Variants in TRIO observed in about 807,000 individuals in gnomAD.
The protein encoded by TRIO is triple functional domain protein.
Under a neutral mutation model 351.9 loss-of-function variants are expected in TRIO, and 58 were observed. That is an observed-to-expected ratio of 0.16 (90% CI 0.13 to 0.21). The LOEUF is 0.21. TRIO is among the 10% of genes least tolerant of loss of function. The pLI is 1.00. For missense variants in TRIO, 3,201 were observed against 4,027.8 expected, an observed-to-expected ratio of 0.79 and a Z score of 5.56; for synonymous variants, 1,758 against 1,595.7, an observed-to-expected ratio of 1.10 and a Z score of -2.42.
rs140816063 is a variant in TRIO, at chr5:14,173,748, G to T, written c.157+29866G>T. 7.2e-5 allele frequency among the ~76,000 whole-genome samples: 11 copies of T among 152,300 alleles called. No individual in the cohort carries two copies. In the East Asian group the frequency reaches 2.1e-3, roughly 29 times the overall value. ...GACTTCACCCACTTAGGCTGATAAT[G>T]TAATTTTGGTTTTCTATGTTTGCTT... is the stretch of plus-strand genomic sequence containing the variant. On this transcript the variant is annotated intron_variant, in intron 1 of 56. Transcript: ENST00000344204.
At chr5:14,432,519 A>G (rs981345070) in intron 34 of TRIO, among the ~76,000 whole-genome samples, 8 of 152,220 alleles carry the variant, frequency 5.3e-5, no homozygotes, top group African/African-American at 1.9e-4. Flanking sequence ...TCTCTATGAA[A>G]AAGATCAAGT....
At chr5:14,207,193 G>A (rs1791508282) in intron 1 of TRIO, among the ~76,000 whole-genome samples, 1 of 151,654 alleles carries the variant, frequency 6.6e-6, no homozygotes, top group Non-Finnish European at 1.5e-5. Flanking sequence ...ACTTTGAGAG[G>A]CTGAGGTGGG....
At chr5:14,219,236 AAT>A (rs899070532) in intron 1 of TRIO, among the ~76,000 whole-genome samples, 8 of 38,464 alleles carry the variant, frequency 2.1e-4, no homozygotes, top group Non-Finnish European at 3.3e-4. Flanking sequence ...CTTTTTCTAT[AAT>A]TTTTTTTTTT....
intron 34 of TRIO, among the ~76,000 whole-genome samples, chr5:14,425,749 C>T (rs553871086): frequency 5.4e-4 from 82 of 152,258 alleles, no homozygotes; most frequent in Middle Eastern, 3.4e-3. Flanking sequence ...CAAAAGAGGC[C>T]CAGGGAGCCC....
chr5:14,322,471 A>G (rs1739974616), intron 9 of TRIO, among the ~76,000 whole-genome samples: 1 of 152,214 alleles, frequency 6.6e-6, no homozygotes, highest in African/African-American at 2.4e-5. Flanking sequence ...TTCCATCTGG[A>G]GGAGGGAAGT....
chr5:14,479,112 A>G (rs1490915209), intron 41 of TRIO, 149 bp from the exon 42 acceptor site: 1 of 679,986 alleles, frequency 1.5e-6, no homozygotes, highest in Non-Finnish European at 2.6e-6. Context: ...CTACATCCTG[A>G]ATCTGGAATT....
rs1239682359 is a variant in TRIO at position 14,470,124 on chromosome 5, T to G, written c.5764-1194T>G. 2.6e-5 allele frequency among the ~76,000 whole-genome samples: 4 copies of G among 152,250 alleles called. No individual in the cohort carries two copies. The South Asian group carries it at 6.2e-4, about 24-fold the overall frequency. ...TATTTTTCAGATCAAACTCTGTTCCTTAACTAACTTAATGTCCTGTTTTTC... is the reference window on the plus strand; with the variant it reads ...TATTTTTCAGATCAAACTCTGTTCCGTAACTAACTTAATGTCCTGTTTTTC... On this transcript the variant is annotated intron_variant, in intron 37 of 56. Coordinates refer to ENST00000344204, the MANE Select transcript of TRIO (RefSeq NM_007118.4).
chr5:14,504,314 T>C, intron 54 of TRIO, 79 bp from the exon 55 acceptor site: 1 of 1,508,790 alleles, frequency 6.6e-7, no homozygotes, highest in Non-Finnish European at 9.1e-7. Flanking sequence ...ACACAGCCAG[T>C]CCATTTAGGA....
At chr5:14,222,991 A>G (rs1792746289) in intron 1 of TRIO, among the ~76,000 whole-genome samples, 1 of 152,210 alleles carries the variant, frequency 6.6e-6, no homozygotes, top group South Asian at 2.1e-4. Flanking sequence ...TGAAAATGAT[A>G]GTGTTGGAAT....
At chr5:14,321,154 G>T (rs778457402) in intron 9 of TRIO, among the ~76,000 whole-genome samples, 4 of 152,244 alleles carry the variant, frequency 2.6e-5, no homozygotes, top group Non-Finnish European at 4.4e-5. Flanking sequence ...GAATATCTTC[G>T]TGGAAGAGGT....
chr5:14,485,028 C>T (rs762457395), intron 46 of TRIO, 41 bp from the exon 47 acceptor site: 5 of 1,490,284 alleles, frequency 3.4e-6, no homozygotes, highest in African/African-American at 1.4e-5. Context: ...GCTTCCTTTC[C>T]ACCTGTTAGC....
chr5:14,335,733 G>C (rs1359508182), intron 10 of TRIO, among the ~76,000 whole-genome samples: 1 of 152,234 alleles, frequency 6.6e-6, no homozygotes, highest in Non-Finnish European at 1.5e-5. Context: ...GGGAGGCCAA[G>C]ACGAGAGGAT....
intron 28 of TRIO, among the ~76,000 whole-genome samples, 197 bp downstream of exon 28, chr5:14,394,327 C>T (rs1392684648): frequency 6.6e-6 from 1 of 152,052 alleles, no homozygotes; most frequent in Non-Finnish European, 1.5e-5. Context: ...CATGATTATG[C>T]GTCTGAACTG....
chr5:14,237,155 G>T (rs888117713), intron 1 of TRIO, among the ~76,000 whole-genome samples: 20 of 152,218 alleles, frequency 1.3e-4, no homozygotes, highest in African/African-American at 4.6e-4. Context: ...GTGAATTTCC[G>T]GTTTTTCTTT....
At chr5:14,407,207 A>G (rs1263562028) in intron 33 of TRIO, among the ~76,000 whole-genome samples, 1 of 152,064 alleles carries the variant, frequency 6.6e-6, no homozygotes, top group Admixed American at 6.5e-5. Context: ...ACATTATCCA[A>G]ACAGGTTTGG....
chr5:14,371,732 C>A (rs1032036675), intron 18 of TRIO, among the ~76,000 whole-genome samples: 2 of 151,706 alleles, frequency 1.3e-5, no homozygotes, highest in African/African-American at 4.8e-5. Context: ...CTTTAGACTC[C>A]TGGGCTTAAG....
Position 14,364,718 on chromosome 5 carries a change from C to A in TRIO, c.2656C>A (p.His886Asn). 2 of 1,613,482 alleles carry A rather than the reference C, an allele frequency of 1.2e-6. No homozygotes were observed. Among genetic ancestry groups the A allele is most frequent in the Non-Finnish European group, 1.7e-6 (2 of 1,180,022 alleles). The change falls in exon 15 of 57, where the codon CAT becomes AAT. Residue 886 changes from histidine (H) to asparagine (N), a missense_variant. His to Asn is a moderately conservative substitution (Grantham distance 68, BLOSUM62 1). Transcript: ENST00000344204. ...GGTCCAGGACCTGCTGGAGTTTCTTCATGAAAAACAGCAGGAATTGGATTT... is the reference window on the plus strand; with the variant it reads ...GGTCCAGGACCTGCTGGAGTTTCTTAATGAAAAACAGCAGGAATTGGATTT... ...TRVQDLLEFL[H>N]EKQQELDLAA...
chr5:14,504,309 G>T (rs1019846243), intron 54 of TRIO, 84 bp from the exon 55 acceptor site: 6 of 1,478,146 alleles, frequency 4.1e-6, no homozygotes, highest in Non-Finnish European at 5.6e-6. Flanking sequence ...CCACCACACA[G>T]CCAGTCCATT....
In TRIO at chr5:14,268,157, A is replaced by G. The variant is rs573955318; in HGVS notation, c.158-2668A>G. Among the ~76,000 whole-genome samples the G allele has an allele frequency of 3.9e-5, 6 of 152,360 alleles. No homozygotes were observed. The South Asian group carries it at 1.2e-3, about 32-fold the overall frequency. On this transcript the variant is annotated intron_variant, in intron 1 of 56. Transcript: ENST00000344204. ...CTACAGCTCTGAGAAATGAAAGGTCACATGAGAGGGAGTCCATGACTCATA... is the reference window on the plus strand; with the variant it reads ...CTACAGCTCTGAGAAATGAAAGGTCGCATGAGAGGGAGTCCATGACTCATA...
Sources: allele counts gnomAD v4.1 joint callset (sites outside exome capture counted in the v4.1 genomes callset), GRCh38; gene constraint gnomAD v4.1.1; transcripts MANE v1.5; gene names NCBI Gene and HGNC (gene_info 2026-07-23, HGNC 2026-07-21).